Variants in SAMD12 observed in about 807,000 individuals in gnomAD.
SAMD12 encodes sterile alpha motif domain containing 12.
SAMD12 carries 9 observed loss-of-function variants against 15.0 expected under a neutral mutation model. The observed-to-expected ratio is 0.60, with a 90% CI of 0.36 to 1.05. The LOEUF is 1.05. Ranked by LOEUF, SAMD12 falls within the 50% of genes least tolerant of loss-of-function variation. The probability of loss-of-function intolerance (pLI) is 0.01; values close to 1 mark genes in which losing one functional copy is unlikely to be tolerated. For synonymous variants in SAMD12, 86 were observed against 90.1 expected (o/e 0.96, Z 0.25); for missense variants, 230 against 234.2 (o/e 0.98, Z 0.12).
chr8:118,153,197 G>A, the SAMD12 span, among the ~76,000 whole-genome samples: 3 of 152,156 alleles, frequency 2.0e-5, no homozygotes, highest in African/African-American at 4.8e-5. Flanking sequence ...GGGTGGCTTG[G>A]GTTCAGATGG....
intron 4 of SAMD12, among the ~76,000 whole-genome samples, chr8:118,240,918 T>G (rs1812548524): frequency 6.6e-6 from 1 of 152,070 alleles, no homozygotes; most frequent in Non-Finnish European, 1.5e-5. Flanking sequence ...TTTTGTAATG[T>G]AATTAAGATT....
At chr8:118,451,205 T>G (rs1823071328) in intron 2 of SAMD12, among the ~76,000 whole-genome samples, 1 of 152,208 alleles carries the variant, frequency 6.6e-6, no homozygotes, top group Non-Finnish European at 1.5e-5. Flanking sequence ...TACGTCATGA[T>G]AGCACTCTAA....
At chr8:118,536,457 C>T (rs929190599) in intron 2 of SAMD12, among the ~76,000 whole-genome samples, 2 of 151,332 alleles carry the variant, frequency 1.3e-5, no homozygotes, top group African/African-American at 4.9e-5. Flanking sequence ...CACACACACA[C>T]ACACACACAC....
At position 118,379,072 on chromosome 8, in the gene SAMD12, G is replaced by A. The variant is rs575496723; in HGVS notation, c.*345C>T. 5.5e-5 allele frequency: 57 copies of A among 1,041,028 alleles called. No homozygotes were observed. In the East Asian group the frequency reaches 2.8e-3, roughly 51 times the overall value. 64.5% of individuals were successfully genotyped at this position (1,041,028 alleles called of 1,614,324 possible). A position where few individuals can be genotyped will look rare whatever the true frequency, so the allele number is the denominator to read the frequency against. On this transcript the variant is annotated 3_prime_UTR_variant, in exon 4 of 4. Transcript: ENST00000314727. Reference sequence around the variant, plus strand: ...CTAAAATGTTTTTCTCCCACTAACCGGTGAAAAGCAAAACAAAAATACAAC... The same window carrying A: ...CTAAAATGTTTTTCTCCCACTAACCAGTGAAAAGCAAAACAAAAATACAAC...
At chr8:118,345,189 G>A (rs1268650772) in intron 4 of SAMD12, among the ~76,000 whole-genome samples, 1 of 151,982 alleles carries the variant, frequency 6.6e-6, no homozygotes, top group Non-Finnish European at 1.5e-5. Flanking sequence ...ACTAACTATT[G>A]TGTTAAAATT....
At chr8:118,387,892 G>A (rs979119694) in intron 3 of SAMD12, among the ~76,000 whole-genome samples, 24 of 152,156 alleles carry the variant, frequency 1.6e-4, no homozygotes, top group Non-Finnish European at 3.2e-4. Flanking sequence ...GGTGGAGAAC[G>A]ACAGGGAAAT....
intron 4 of SAMD12, among the ~76,000 whole-genome samples, chr8:118,297,852 T>C (rs886765561): frequency 6.6e-6 from 1 of 152,228 alleles, no homozygotes; most frequent in Admixed American, 6.5e-5. Context: ...TAATGTAATG[T>C]TTATTTTTAT....
chr8:118,528,899 C>A (rs1217857343), intron 2 of SAMD12, among the ~76,000 whole-genome samples: 1 of 152,160 alleles, frequency 6.6e-6, no homozygotes, highest in East Asian at 1.9e-4. Flanking sequence ...GCTTGCACTG[C>A]CTCTGTGACC....
chr8:118,423,636 T>C (rs1017474740), intron 3 of SAMD12, among the ~76,000 whole-genome samples: 1 of 152,206 alleles, frequency 6.6e-6, no homozygotes, highest in African/African-American at 2.4e-5. Context: ...CCTGCACATA[T>C]AAGATGTTAT....
the SAMD12 span, among the ~76,000 whole-genome samples, chr8:118,150,007 G>GC: frequency 6.6e-6 from 1 of 152,062 alleles, no homozygotes; most frequent in Non-Finnish European, 1.5e-5. Context: ...AAGTGATTTT[G>GC]CCCCCCTCCC....
At chr8:118,255,342 CTTTATTTTAT>C (rs537481490) in intron 4 of SAMD12, among the ~76,000 whole-genome samples, 1 of 151,674 alleles carries the variant, frequency 6.6e-6, no homozygotes, top group Non-Finnish European at 1.5e-5. Context: ...ATTAACATTT[CTTTATTTTAT>C]TTTATTTTAT....
At chr8:118,152,797 C>A in the SAMD12 span, among the ~76,000 whole-genome samples, 1 of 152,130 alleles carries the variant, frequency 6.6e-6, no homozygotes, top group African/African-American at 2.4e-5. Flanking sequence ...CTGTGCCTGG[C>A]CAAGAATTTT....
exon 5 of SAMD12, chr8:118,192,864 A>G (rs1267928919): frequency 6.6e-6 from 1 of 152,176 alleles, no homozygotes; most frequent in African/African-American, 2.4e-5. Context: ...TGTGCTTGAT[A>G]TAATTGTAGG....
chr8:118,419,434 T>G (rs2515066), intron 3 of SAMD12, among the ~76,000 whole-genome samples: 36,543 of 152,118 alleles, frequency 0.24, 4,701 homozygotes, highest in East Asian at 0.43. Flanking sequence ...AGTGGGAAAT[T>G]TCTTGTGGAT....
intron 1 of SAMD12, among the ~76,000 whole-genome samples, chr8:118,594,574 A>T (rs946538772): frequency 2.6e-5 from 4 of 152,194 alleles, no homozygotes; most frequent in African/African-American, 9.6e-5. Flanking sequence ...TGGAGAAAGT[A>T]ATAATAAGAG....
At chr8:118,236,702 G>T (rs1812439343) in intron 4 of SAMD12, among the ~76,000 whole-genome samples, 1 of 152,208 alleles carries the variant, frequency 6.6e-6, no homozygotes, top group Admixed American at 6.5e-5. Flanking sequence ...TAAGAAATTT[G>T]ATATGGAGAC....
At chr8:118,450,039 G>A (rs1005942192) in intron 2 of SAMD12, among the ~76,000 whole-genome samples, 27 of 152,034 alleles carry the variant, frequency 1.8e-4, no homozygotes, top group African/African-American at 6.3e-4. Flanking sequence ...CATGTACAAG[G>A]TGTCCCAATT....
intron 4 of SAMD12, among the ~76,000 whole-genome samples, chr8:118,275,517 AACTC>A (rs1206486037): frequency 1.3e-5 from 2 of 152,202 alleles, no homozygotes; most frequent in Non-Finnish European, 2.9e-5. Flanking sequence ...TACTTGATAA[AACTC>A]ACTCACATGC....
chr8:118,348,776 T>C (rs1228814905), intron 4 of SAMD12, among the ~76,000 whole-genome samples: 3 of 152,246 alleles, frequency 2.0e-5, no homozygotes, highest in Non-Finnish European at 4.4e-5. Context: ...ACAACAATCC[T>C]GTGGCTTCAG....
Sources: gnomAD v4.1 joint callset for allele counts (sites outside exome capture counted in the v4.1 genomes callset) on GRCh38, gnomAD v4.1.1 for gene constraint, MANE v1.5 for transcripts, NCBI Gene and HGNC (gene_info 2026-07-23, HGNC 2026-07-21) for gene names.